The following FILIP1L variants were observed in gnomAD, a reference collection of about 807,000 sequenced individuals.
FILIP1L encodes filamin A interacting protein 1 like, also known as filamin A-interacting protein 1-like.
In FILIP1L, 55 loss-of-function variants were observed where a neutral mutation model predicts 96.6. That is an observed-to-expected ratio of 0.57 (90% CI 0.46 to 0.71). The LOEUF is 0.71. Among genes scored for constraint, FILIP1L ranks in the 30% least tolerant of loss-of-function variants. The pLI, the probability that FILIP1L is intolerant of heterozygous loss-of-function variation, is 0.00. For missense variants in FILIP1L, 1,304 were observed against 1,321.2 expected (o/e 0.99, Z 0.20); for synonymous variants, 467 against 473.9 (o/e 0.99, Z 0.19).
chr3:99,844,676 C>T (rs1422874976), intron 5 of FILIP1L, among the ~76,000 whole-genome samples: 1 of 152,140 alleles, frequency 6.6e-6, no homozygotes, highest in Non-Finnish European at 1.5e-5. Flanking sequence ...TCACAGCTCC[C>T]CTAATTTTAT....
chr3:99,847,115 C>A (rs1052187333), intron 5 of FILIP1L, among the ~76,000 whole-genome samples: 1 of 152,074 alleles, frequency 6.6e-6, no homozygotes, highest in African/African-American at 2.4e-5. Context: ...TATATTACTT[C>A]TTTCAACTAA....
intron 3 of FILIP1L, among the ~76,000 whole-genome samples, chr3:99,927,522 A>G (rs1201371629): frequency 6.6e-6 from 1 of 152,064 alleles, no homozygotes; most frequent in Non-Finnish European, 1.5e-5. Flanking sequence ...GGCATGTGCC[A>G]CCACGCCCGG....
chr3:100,071,090 C>CTTTTTTTTT (rs61563009), intron 1 of FILIP1L, among the ~76,000 whole-genome samples: 7 of 70,574 alleles, frequency 9.9e-5, no homozygotes, highest in African/African-American at 3.7e-4. Context: ...GCTACTCTCT[C>CTTTTTTTTT]TTTTTTTTTT....
At chr3:99,835,384 A>G (rs1559649569) in intron 5 of FILIP1L, among the ~76,000 whole-genome samples, 2 of 152,196 alleles carry the variant, frequency 1.3e-5, no homozygotes, top group South Asian at 2.1e-4. Context: ...CTTTTAGATC[A>G]CCTGTAAAGT....
chr3:99,843,294 A>C (rs1309007642), intron 5 of FILIP1L, among the ~76,000 whole-genome samples: 3 of 152,220 alleles, frequency 2.0e-5, no homozygotes, highest in Admixed American at 2.0e-4. Context: ...AGCTCAGCCA[A>C]AGATTTAGGC....
chr3:99,924,108 TG>T, intron 4 of FILIP1L, 121 bp downstream of exon 4: 2 of 825,282 alleles, frequency 2.4e-6, no homozygotes, highest in Non-Finnish European at 3.9e-6. Flanking sequence ...TTCCTCACCC[TG>T]GACTATGAGA....
chr3:99,919,310 G>A (rs1707051092), intron 4 of FILIP1L, among the ~76,000 whole-genome samples: 1 of 151,298 alleles, frequency 6.6e-6, no homozygotes, highest in Admixed American at 6.6e-5. Flanking sequence ...TGCCTTAGAA[G>A]AATCAGTATC....
At chr3:99,952,266 A>G (rs1708199870) in intron 1 of FILIP1L, among the ~76,000 whole-genome samples, 1 of 152,174 alleles carries the variant, frequency 6.6e-6, no homozygotes, top group South Asian at 2.1e-4. Flanking sequence ...AAATCAAATT[A>G]GGGCAGTTTC....
At chr3:100,078,407 GT>G (rs2065882299) in intron 1 of FILIP1L, among the ~76,000 whole-genome samples, 1 of 152,024 alleles carries the variant, frequency 6.6e-6, no homozygotes, top group Non-Finnish European at 1.5e-5. Context: ...AAACATAATG[GT>G]TGTCTTAATT....
intron 1 of FILIP1L, among the ~76,000 whole-genome samples, chr3:100,099,428 A>G (rs903804754): frequency 1.3e-5 from 2 of 152,182 alleles, no homozygotes; most frequent in Non-Finnish European, 2.9e-5. Flanking sequence ...CAAGTATACA[A>G]GGGTAAGGAA....
At chr3:100,008,239 A>G (rs961667949) in intron 1 of FILIP1L, among the ~76,000 whole-genome samples, 7 of 151,910 alleles carry the variant, frequency 4.6e-5, no homozygotes, top group Non-Finnish European at 8.8e-5. Flanking sequence ...AAAGGTAACT[A>G]CTCCACCCCT....
intron 5 of FILIP1L, among the ~76,000 whole-genome samples, chr3:99,837,011 TA>T (rs1306454288): frequency 1.3e-5 from 2 of 152,176 alleles, no homozygotes; most frequent in Non-Finnish European, 2.9e-5. Context: ...AGGTTTGGCC[TA>T]AAAAAATAGT....
chr3:100,077,670 CA>C (rs1442787536), intron 1 of FILIP1L, among the ~76,000 whole-genome samples: 4 of 152,128 alleles, frequency 2.6e-5, no homozygotes, highest in Non-Finnish European at 5.9e-5. Flanking sequence ...CACCTATAAT[CA>C]CAGTGAGGTG....
At position 99,881,908 on chromosome 3, in the gene FILIP1L, A is replaced by G. The variant is rs536427890; in HGVS notation, c.606-30838T>C. On this transcript the variant is annotated intron_variant, in intron 4 of 5. Transcript: ENST00000477258. ...CCATGTAGATGTGGAGCTTGATTTC[A>G]GGGTAAGTATTTGCAGAGAAAGACC... 3.3e-5 allele frequency among the ~76,000 whole-genome samples: 5 copies of G among 152,288 alleles called. No individual in the cohort carries two copies. The East Asian group carries it at 9.6e-4, about 29-fold the overall frequency.
chr3:99,884,674 G>A (rs1188274166), intron 4 of FILIP1L, among the ~76,000 whole-genome samples: 2 of 152,198 alleles, frequency 1.3e-5, no homozygotes, highest in Non-Finnish European at 2.9e-5. Context: ...GAAAGGAAGT[G>A]CTTTGAATTC....
intron 4 of FILIP1L, among the ~76,000 whole-genome samples, chr3:99,913,476 T>G (rs1261687789): frequency 6.6e-6 from 1 of 152,192 alleles, no homozygotes; most frequent in Admixed American, 6.5e-5. Flanking sequence ...TTGAAGTTAC[T>G]GAGAATCAAT....
chr3:100,028,593 G>A (rs962034811), intron 1 of FILIP1L, among the ~76,000 whole-genome samples: 6 of 152,062 alleles, frequency 3.9e-5, no homozygotes, highest in Non-Finnish European at 8.8e-5. Context: ...AAAATAATAT[G>A]TATTTACCTA....
chr3:100,047,932 G>C (rs1477554944), intron 1 of FILIP1L, among the ~76,000 whole-genome samples: 1 of 152,180 alleles, frequency 6.6e-6, no homozygotes, highest in Non-Finnish European at 1.5e-5. Context: ...ATTTTCTATG[G>C]TGAGTTGAGC....
At chr3:100,113,621 C>T (rs2066526489) in intron 1 of FILIP1L, among the ~76,000 whole-genome samples, 1 of 152,182 alleles carries the variant, frequency 6.6e-6, no homozygotes, top group Non-Finnish European at 1.5e-5. Flanking sequence ...TTAACCTATT[C>T]AGTATAATTC....
Sources: gnomAD v4.1 joint callset for allele counts (sites outside exome capture counted in the v4.1 genomes callset) on GRCh38, gnomAD v4.1.1 for gene constraint, MANE v1.5 for transcripts, NCBI Gene and HGNC (gene_info 2026-07-23, HGNC 2026-07-21) for gene names.